Variants in ANKS1B observed in about 807,000 individuals in gnomAD.
The protein encoded by ANKS1B is ankyrin repeat and sterile alpha motif domain containing 1B, also known as ankyrin repeat and sterile alpha motif domain-containing protein 1B.
Under a neutral mutation model 148.3 loss-of-function variants are expected in ANKS1B, and 36 were observed. The observed-to-expected ratio is 0.24, with a 90% CI of 0.19 to 0.32. The LOEUF is 0.32. ANKS1B is among the 10% of genes least tolerant of loss of function. The probability of loss-of-function intolerance (pLI) is 1.00; values close to 1 mark genes in which losing one functional copy is unlikely to be tolerated. For missense variants in ANKS1B, 1,157 were observed against 1,542.6 expected, an observed-to-expected ratio of 0.75 and a Z score of 4.19; for synonymous variants, 542 against 560.8, an observed-to-expected ratio of 0.97 and a Z score of 0.47.
chr12:99,516,591 G>A (rs534386031), intron 9 of ANKS1B, among the ~76,000 whole-genome samples: 28 of 152,136 alleles, frequency 1.8e-4, no homozygotes, highest in African/African-American at 6.7e-4. Flanking sequence ...CCCTGTCAGG[G>A]AGGCAGGGGG....
chr12:99,264,715 A>C (rs2076269411), intron 12 of ANKS1B, among the ~76,000 whole-genome samples: 2 of 152,134 alleles, frequency 1.3e-5, no homozygotes, highest in Admixed American at 1.3e-4. Context: ...ACTGTTGCAA[A>C]GGGTGGTCTT....
intron 1 of ANKS1B, among the ~76,000 whole-genome samples, chr12:99,832,957 T>C (rs1214715562): frequency 6.6e-6 from 1 of 152,192 alleles, no homozygotes; most frequent in Non-Finnish European, 1.5e-5. Context: ...TGCAGAATAT[T>C]GTGTGTGTCT....
chr12:99,695,510 C>T (rs59925884), intron 8 of ANKS1B, among the ~76,000 whole-genome samples: 3,205 of 152,250 alleles, frequency 0.021, 120 homozygotes, highest in African/African-American at 0.073. Context: ...TGAGAAGTTC[C>T]AGCCAGAATT....
chr12:99,163,905 T>C (rs983969889), intron 14 of ANKS1B, among the ~76,000 whole-genome samples: 3 of 152,208 alleles, frequency 2.0e-5, no homozygotes, highest in African/African-American at 7.2e-5. Flanking sequence ...CCATTAATAG[T>C]ATACAAATGA....
chr12:99,901,332 C>T (rs2093592022), intron 1 of ANKS1B, among the ~76,000 whole-genome samples: 1 of 152,196 alleles, frequency 6.6e-6, no homozygotes. Context: ...TCAGCCTGTG[C>T]TGCCAGACTT....
chr12:99,135,980 T>C (rs1231082427), intron 15 of ANKS1B, among the ~76,000 whole-genome samples: 1 of 151,432 alleles, frequency 6.6e-6, no homozygotes, highest in Non-Finnish European at 1.5e-5. Flanking sequence ...CCAGGAAAAA[T>C]GTAGATCAGA....
At chr12:99,439,584 G>C (rs2095516607) in intron 11 of ANKS1B, among the ~76,000 whole-genome samples, 1 of 151,668 alleles carries the variant, frequency 6.6e-6, no homozygotes, top group African/African-American at 2.4e-5. Context: ...CAGAAAAAAT[G>C]CAAATTAAAA....
intron 8 of ANKS1B, among the ~76,000 whole-genome samples, chr12:99,751,834 A>G (rs2061136496): frequency 1.3e-5 from 2 of 152,114 alleles, no homozygotes; most frequent in Non-Finnish European, 2.9e-5. Context: ...GCACTGGGAG[A>G]AAGCCTAATA....
chr12:99,156,514 A>G (rs530238216), intron 14 of ANKS1B, among the ~76,000 whole-genome samples: 1 of 152,128 alleles, frequency 6.6e-6, no homozygotes, highest in African/African-American at 2.4e-5. Context: ...TTCATGATTG[A>G]CTGCAGTTCA....
intron 17 of ANKS1B, among the ~76,000 whole-genome samples, chr12:98,953,537 GTTTTTTTTTTTTTTTTT>G (rs1166158783): frequency 1.6e-4 from 9 of 57,424 alleles, no homozygotes; most frequent in East Asian, 1.3e-3. Flanking sequence ...ATCTAGAGTG[GTTTTTTTTTTTTTTTTT>G]TTTTTTTTTT....
At chr12:99,964,531 A>T (rs1782701663) in intron 1 of ANKS1B, among the ~76,000 whole-genome samples, 1 of 152,200 alleles carries the variant, frequency 6.6e-6, no homozygotes, top group Admixed American at 6.5e-5. Flanking sequence ...AGGTGTGTCC[A>T]TATTGGGGCA....
intron 14 of ANKS1B, among the ~76,000 whole-genome samples, chr12:99,198,201 G>A (rs2081618225): frequency 6.6e-6 from 1 of 152,146 alleles, no homozygotes; most frequent in Non-Finnish European, 1.5e-5. Context: ...AGTGCTGTAT[G>A]AAATTTGTCT....
intron 14 of ANKS1B, among the ~76,000 whole-genome samples, chr12:99,198,153 C>T (rs1409993682): frequency 1.3e-5 from 2 of 152,072 alleles, no homozygotes; most frequent in Non-Finnish European, 2.9e-5. Flanking sequence ...TTTCTTATGG[C>T]CACACAGCAC....
At chr12:99,894,732 GATCCAACAATTCATTAT>G (rs1382021800) in intron 1 of ANKS1B, among the ~76,000 whole-genome samples, 1 of 149,020 alleles carries the variant, frequency 6.7e-6, no homozygotes, top group Non-Finnish European at 1.5e-5. Context: ...CCCACTCTGT[GATCCAACAATTCATTAT>G]ATCCAACAAT....
chr12:98,863,241 A>G (rs554467727), intron 17 of ANKS1B, among the ~76,000 whole-genome samples: 17 of 152,338 alleles, frequency 1.1e-4, no homozygotes, highest in African/African-American at 3.6e-4. Flanking sequence ...ATAATGACTA[A>G]TAAAGAGGTT....
At position 99,775,553 on chromosome 12, in the gene ANKS1B, G is replaced by T; in HGVS notation, c.956C>A (p.Thr319Asn). 6.2e-7 allele frequency: 1 copy of T among 1,610,566 alleles called. No individual in the cohort carries two copies. The highest frequency in any genetic ancestry group is 8.5e-7 in the Non-Finnish European group (1 of 1,177,098). The change falls in exon 7 of 27, where the codon ACC (threonine) becomes AAC (asparagine). Residue 319 changes from threonine (T) to asparagine (N), a missense_variant. By Grantham distance (65) the Thr-to-Asn change is moderately conservative. Around this residue, in one of 6 missense-constraint regions of ANKS1B, gnomAD observed 661 missense variants for 642.1 expected, o/e 1.03. Transcript: ENST00000683438. ...SSPVESPSQKTKSETVTGELS... is the reference protein window; with the variant it reads ...SSPVESPSQKNKSETVTGELS... ...CTTTATAATTAGGTACTCACTTTTG[G>T]TCTTTTGGGAAGGAGACTCAACAGG... is the stretch of plus-strand genomic sequence containing the variant.
intron 1 of ANKS1B, among the ~76,000 whole-genome samples, chr12:99,927,481 T>C (rs1048400001): frequency 2.6e-5 from 4 of 152,228 alleles, no homozygotes; most frequent in Admixed American, 6.5e-5. Flanking sequence ...AACATTAACA[T>C]TGAAGCTACT....
intron 10 of ANKS1B, among the ~76,000 whole-genome samples, chr12:99,502,330 T>G (rs2152999510): frequency 1.3e-5 from 2 of 152,310 alleles, no homozygotes; most frequent in African/African-American, 4.8e-5. Flanking sequence ...GGGGTCAGCA[T>G]TGTTTTCATT....
intron 1 of ANKS1B, among the ~76,000 whole-genome samples, chr12:99,833,985 T>C (rs1464270182): frequency 6.6e-6 from 1 of 152,146 alleles, no homozygotes; most frequent in Non-Finnish European, 1.5e-5. Context: ...ACTGCACCTA[T>C]TGACAGAGCC....
Sources: allele counts gnomAD v4.1 joint callset (sites outside exome capture counted in the v4.1 genomes callset), GRCh38; gene constraint gnomAD v4.1.1; regional missense constraint gnomAD v4.1.1; transcripts MANE v1.5; gene names NCBI Gene and HGNC (gene_info 2026-07-23, HGNC 2026-07-21).